Variants in DCLRE1C observed in about 807,000 individuals in gnomAD.
The protein encoded by DCLRE1C is DNA cross-link repair 1C, also known as protein artemis.
In DCLRE1C, 47 loss-of-function variants were observed where a neutral mutation model predicts 61.4. The ratio of observed to expected loss-of-function variants is 0.77; its 90% CI spans 0.61 to 0.98. The LOEUF (loss-of-function observed/expected upper bound fraction) is 0.98. Ranked by LOEUF, DCLRE1C falls within the 50% of genes least tolerant of loss-of-function variation. DCLRE1C has a pLI of 0.00. For missense variants in DCLRE1C, 858 were observed against 816.0 expected, an observed-to-expected ratio of 1.05 and a Z score of -0.63; for synonymous variants, 337 against 287.6, an observed-to-expected ratio of 1.17 and a Z score of -1.74.
chr10:14,932,811 TAG>T, intron 9 of DCLRE1C, 41 bp downstream of exon 9: 1 of 1,607,858 alleles, frequency 6.2e-7, no homozygotes, highest in Non-Finnish European at 8.5e-7. Context: ...TTCTTTTTCA[TAG>T]ATTACACAAA....
At chr10:14,900,431 T>C (rs1477973204), downstream of DCLRE1C, among the ~76,000 whole-genome samples, 1 of 152,212 alleles carries the variant, frequency 6.6e-6, no homozygotes, top group African/African-American at 2.4e-5. Context: ...GTTAAACTTC[T>C]GATGGATTTC....
intron 12 of DCLRE1C, among the ~76,000 whole-genome samples, chr10:14,921,386 A>G (rs967060253): frequency 6.6e-6 from 1 of 152,142 alleles, no homozygotes; most frequent in African/African-American, 2.4e-5. Flanking sequence ...TGTATATTCA[A>G]GTTTAGTTCT....
downstream of DCLRE1C, chr10:14,904,073 G>A (rs1162582697): frequency 6.6e-6 from 1 of 152,240 alleles, no homozygotes; most frequent in Non-Finnish European, 1.5e-5. Context: ...GGGAGGCTGA[G>A]GTAGGAGGAT....
At chr10:14,952,306 GT>G (rs1212311642) in intron 1 of DCLRE1C, among the ~76,000 whole-genome samples, 1 of 152,196 alleles carries the variant, frequency 6.6e-6, no homozygotes, top group Non-Finnish European at 1.5e-5. Flanking sequence ...CCAGAAATGT[GT>G]CAGGCACAGC....
At chr10:14,917,024 A>C (rs532555899) in intron 13 of DCLRE1C, among the ~76,000 whole-genome samples, 1 of 152,236 alleles carries the variant, frequency 6.6e-6, no homozygotes, top group Non-Finnish European at 1.5e-5. Context: ...AGCTACAGTA[A>C]TCGAGATGGG....
Position 14,909,174 on chromosome 10 carries a change from G to A in DCLRE1C, c.1313C>T (p.Ala438Val), listed in dbSNP as rs766009897. 10 of 1,614,084 alleles carry A rather than the reference G, an allele frequency of 6.2e-6. No individual in the cohort carries two copies. The highest frequency in any genetic ancestry group is 8.5e-6 in the Non-Finnish European group (10 of 1,180,014). ...KLRQTPGCCRAECMQSSRFTN... is the reference protein window; with the variant it reads ...KLRQTPGCCRVECMQSSRFTN... ...GAAACGAGAGCTCTGCATACACTCT[G>A]CTCTGCAGCATCCTGGGGTTTGTCT... Residue 438 changes from alanine to valine, a missense_variant, in exon 14 of 14, where the codon GCA becomes GTA. Coordinates refer to ENST00000378278, the MANE Select transcript of DCLRE1C (RefSeq NM_001033855.3).
At position 14,934,726 on chromosome 10, in the gene DCLRE1C, T is replaced by G; in HGVS notation, c.514A>C (p.Arg172=). ...VYLDTTFCDP[R]FYQIPSREEC... is the part of the protein sequence containing the mutation. ...ACCCGACTTGGAATTTGGTAAAATCTTGGATCACAGAACGTAGTATCCAAA... is the reference window on the plus strand; with the variant it reads ...ACCCGACTTGGAATTTGGTAAAATCGTGGATCACAGAACGTAGTATCCAAA... The change falls in exon 7 of 14, where the codon AGA becomes CGA. Residue 172 remains arginine, a synonymous_variant. Transcript: ENST00000378278. 6.2e-7 allele frequency: 1 copy of G among 1,614,100 alleles called. No individual in the cohort carries two copies. Among genetic ancestry groups the G allele is most frequent in the South Asian group, 1.1e-5 (1 of 91,086 alleles).
At chr10:14,925,447 T>G (rs1212936819) in intron 11 of DCLRE1C, among the ~76,000 whole-genome samples, 1 of 149,658 alleles carries the variant, frequency 6.7e-6, no homozygotes, top group Non-Finnish European at 1.5e-5. Flanking sequence ...CTCTATAAAT[T>G]ATAGTCACCA....
At chr10:14,934,837 T>C (rs1408965014) in intron 6 of DCLRE1C, 62 bp from the exon 7 acceptor site, 3 of 1,337,782 alleles carry the variant, frequency 2.2e-6, no homozygotes, top group South Asian at 2.4e-5. Flanking sequence ...GTAACTTTTT[T>C]TGTTTTTTGA....
At chr10:14,952,251 T>C (rs1196250212) in intron 1 of DCLRE1C, among the ~76,000 whole-genome samples, 15 of 152,088 alleles carry the variant, frequency 9.9e-5, no homozygotes, top group Admixed American at 9.8e-4. Flanking sequence ...AAAGTAAAAA[T>C]AGGCATATCC....
rs1304352981 is a variant in DCLRE1C at position 14,949,070 on chromosome 10, T to C, written c.127A>G (p.Arg43Gly). 6.2e-7 allele frequency: 1 copy of C among 1,611,230 alleles called. No individual in the cohort carries two copies. Among genetic ancestry groups the C allele is most frequent in the African/African-American group, 1.3e-5 (1 of 75,006 alleles). The change falls in exon 2 of 14, where the codon AGA becomes GGA. Residue 43 changes from arginine to glycine, a missense_variant. Physicochemically the swap from Arg to Gly is moderately radical, Grantham distance 125. Transcript: ENST00000378278. Reference sequence around the variant, plus strand: ...AACCTTCTTTTCAAGGTAGGGGCTCTTAATCCTTTCATGTGATCTAAAAAC... The same window carrying C: ...AACCTTCTTTTCAAGGTAGGGGCTCCTAATCCTTTCATGTGATCTAAAAAC... Reference protein sequence around the residue: ...HCHKDHMKGLRAPTLKRRLEC... With the variant: ...HCHKDHMKGLGAPTLKRRLEC...
rs541200370 is a variant in DCLRE1C, at chr10:14,905,449, G to A, written c.*2959C>T. Among the ~76,000 whole-genome samples, 9 of 152,302 alleles carry A rather than the reference G, an allele frequency of 5.9e-5. No homozygotes were observed. In the South Asian group the frequency reaches 1.2e-3, roughly 21 times the overall value. On this transcript the variant is annotated 3_prime_UTR_variant, in exon 14 of 14. Transcript: ENST00000378278. ...ACCCAGTCTTTTATGCCTTTTATAT[G>A]TATTCATGTGCTTCTAATGAACCTG...
intron 4 of DCLRE1C, among the ~76,000 whole-genome samples, 159 bp from the exon 5 acceptor site, chr10:14,936,752 C>T (rs1472821190): frequency 6.6e-6 from 1 of 152,150 alleles, no homozygotes; most frequent in Admixed American, 6.6e-5. Flanking sequence ...AAGTGGAATC[C>T]TTGTCCACTC....
intron 5 of DCLRE1C, among the ~76,000 whole-genome samples, chr10:14,935,880 C>G (rs1160585325): frequency 6.6e-6 from 1 of 152,196 alleles, no homozygotes; most frequent in Non-Finnish European, 1.5e-5. Context: ...TACAAGGTCA[C>G]TGGGGAAACA....
At chr10:14,953,643 A>C (rs1341837686) in intron 1 of DCLRE1C, among the ~76,000 whole-genome samples, 1 of 152,196 alleles carries the variant, frequency 6.6e-6, no homozygotes, top group Non-Finnish European at 1.5e-5. Context: ...CAGCAAAGCT[A>C]CCAAGAGAAA....
intron 12 of DCLRE1C, among the ~76,000 whole-genome samples, chr10:14,921,539 T>C (rs551815645): frequency 6.6e-6 from 1 of 152,338 alleles, no homozygotes; most frequent in East Asian, 1.9e-4. Flanking sequence ...CCTCACTTTT[T>C]ACCTATTTCT....
chr10:14,921,347 G>C (rs41299686), intron 12 of DCLRE1C, among the ~76,000 whole-genome samples: 78 of 152,068 alleles, frequency 5.1e-4, no homozygotes, highest in African/African-American at 1.6e-3. Context: ...ACAAGCACCT[G>C]AAGTGATTCC....
intron 1 of DCLRE1C, 75 bp downstream of exon 1, chr10:14,953,827 C>T (rs956748634): frequency 1.2e-4 from 198 of 1,594,628 alleles, no homozygotes; most frequent in Non-Finnish European, 1.6e-4. Context: ...GCTCCTTGCT[C>T]CAGGGCCGGC....
At chr10:14,914,485 C>T (rs1226724491) in intron 13 of DCLRE1C, among the ~76,000 whole-genome samples, 1 of 152,172 alleles carries the variant, frequency 6.6e-6, no homozygotes, top group Non-Finnish European at 1.5e-5. Flanking sequence ...ATGTAGAAGA[C>T]CTGAACAACA....
Sources: gnomAD v4.1 joint callset for allele counts (sites outside exome capture counted in the v4.1 genomes callset) on GRCh38, gnomAD v4.1.1 for gene constraint, MANE v1.5 for transcripts, NCBI Gene and HGNC (gene_info 2026-07-23, HGNC 2026-07-21) for gene names.